ULK4: variants seen among roughly 807,000 people sequenced by gnomAD.
ULK4 encodes inactive serine/threonine-protein kinase ULK4.
Under a neutral mutation model 160.6 loss-of-function variants are expected in ULK4, and 133 were observed. The observed-to-expected ratio is 0.83, with a 90% CI of 0.72 to 0.96. The LOEUF is 0.96. Ranked by LOEUF, ULK4 falls within the 40% of genes least tolerant of loss-of-function variation. ULK4 has a pLI of 0.00. For synonymous variants in ULK4, 534 were observed against 539.8 expected, an observed-to-expected ratio of 0.99 and a Z score of 0.15; for missense variants, 1,580 against 1,499.5, an observed-to-expected ratio of 1.05 and a Z score of -0.89.
chr3:41,590,781 GAA>G (rs553763939), intron 31 of ULK4, among the ~76,000 whole-genome samples: 2 of 121,210 alleles, frequency 1.7e-5, no homozygotes. Context: ...GGTACAGAAA[GAA>G]AAAAAAAAAA....
intron 14 of ULK4, 57 bp from the exon 15 acceptor site, chr3:41,897,060 A>C: frequency 3.4e-6 from 5 of 1,451,628 alleles, no homozygotes; most frequent in Non-Finnish European, 4.7e-6. Flanking sequence ...ACTGCTGGAA[A>C]CATTACATAA....
At chr3:41,497,347 A>AT (rs1286706133) in intron 32 of ULK4, among the ~76,000 whole-genome samples, 1 of 152,080 alleles carries the variant, frequency 6.6e-6, no homozygotes, top group African/African-American at 2.4e-5. Context: ...GAAACATTTG[A>AT]TTTTTTAAAA....
intron 32 of ULK4, among the ~76,000 whole-genome samples, chr3:41,525,119 C>T (rs2086068568): frequency 6.6e-6 from 1 of 152,076 alleles, no homozygotes; most frequent in Non-Finnish European, 1.5e-5. Context: ...TGCTGTGATC[C>T]AGTCCATACG....
At chr3:41,561,613 T>C (rs2087572742) in intron 32 of ULK4, among the ~76,000 whole-genome samples, 1 of 151,460 alleles carries the variant, frequency 6.6e-6, no homozygotes, top group South Asian at 2.1e-4. Flanking sequence ...TCCAGGAATT[T>C]ATCCATTTCT....
At chr3:41,822,269 C>A (rs2125632903) in intron 18 of ULK4, among the ~76,000 whole-genome samples, 1 of 152,186 alleles carries the variant, frequency 6.6e-6, no homozygotes, top group Non-Finnish European at 1.5e-5. Context: ...GCAGTTCATG[C>A]ATGAAAAAAG....
chr3:41,517,587 C>T (rs1289844302), intron 32 of ULK4, among the ~76,000 whole-genome samples: 3 of 152,286 alleles, frequency 2.0e-5, no homozygotes, highest in East Asian at 1.9e-4. Context: ...TACTGTCTTT[C>T]GGCTATTTTG....
At chr3:41,908,739 C>T (rs947076512) in intron 11 of ULK4, among the ~76,000 whole-genome samples, 45 of 152,144 alleles carry the variant, frequency 3.0e-4, no homozygotes, top group African/African-American at 1.0e-3. Context: ...CCACTGTGCC[C>T]GGCCTGAGCT....
intron 31 of ULK4, among the ~76,000 whole-genome samples, chr3:41,611,209 A>C (rs2032658590): frequency 2.0e-5 from 3 of 152,208 alleles, no homozygotes; most frequent in Admixed American, 6.5e-5. Flanking sequence ...AAATGCATTC[A>C]GCTTAATCCA....
chr3:41,839,176 C>T (rs534039788), intron 17 of ULK4, among the ~76,000 whole-genome samples: 57 of 151,888 alleles, frequency 3.8e-4, no homozygotes, highest in African/African-American at 1.4e-3. Context: ...GGTGAAACCC[C>T]GTCTCTACTA....
intron 17 of ULK4, among the ~76,000 whole-genome samples, chr3:41,868,668 T>G (rs929898457): frequency 2.6e-5 from 2 of 76,808 alleles, no homozygotes; most frequent in Non-Finnish European, 2.2e-5. Context: ...TTTTTTTGTA[T>G]TTTTTTTTTA....
chr3:41,433,913 A>G lies in ULK4; in HGVS notation c.3492+21584T>C, dbSNP rs556485840. 3.9e-5 allele frequency among the ~76,000 whole-genome samples: 6 copies of G among 152,246 alleles called. No homozygotes were observed. In the South Asian group the frequency reaches 6.2e-4, roughly 16 times the overall value. On this transcript the variant is annotated intron_variant, in intron 34 of 36. Coordinates refer to ENST00000301831, the MANE Select transcript of ULK4 (RefSeq NM_017886.4). ...TTTTTGTATTTTGTTTAGTAGAGACAGGGTTTCACCATGTTAGTCAGGATG... is the reference window on the plus strand; with the variant it reads ...TTTTTGTATTTTGTTTAGTAGAGACGGGGTTTCACCATGTTAGTCAGGATG...
Position 41,470,044 on chromosome 3 carries a change from A to AAAC in ULK4, c.3227-6794_3227-6792dup, listed in dbSNP as rs1295321942. Among the ~76,000 whole-genome samples, 69 of 116,706 alleles carry AAAC rather than the reference A, an allele frequency of 5.9e-4. 2 individuals are homozygous for AAAC. The highest frequency in any genetic ancestry group is 7.8e-4 in the Non-Finnish European group (44 of 56,536). 76.6% of individuals were successfully genotyped at this position (116,706 alleles called of 152,430 possible). ...AAAAAAAAAAAAAAAAAAAAAAAAA[A>AAAC]AACAAAGTATTTTTAAAGGAACTAA... is the stretch of plus-strand genomic sequence containing the variant. On this transcript the variant is annotated intron_variant, in intron 32 of 36. Coordinates refer to ENST00000301831, the MANE Select transcript of ULK4 (RefSeq NM_017886.4).
intron 31 of ULK4, among the ~76,000 whole-genome samples, chr3:41,584,653 G>C (rs1183787394): frequency 2.0e-5 from 3 of 151,984 alleles, no homozygotes; most frequent in Admixed American, 2.0e-4. Context: ...AAGAGATGTG[G>C]GAAGAAATTT....
intron 35 of ULK4, among the ~76,000 whole-genome samples, chr3:41,278,898 G>T (rs1017413326): frequency 1.8e-4 from 27 of 152,156 alleles, no homozygotes; most frequent in Admixed American, 1.3e-4. Flanking sequence ...CTCCTCCAAA[G>T]GATCGCAGCC....
chr3:41,690,865 T>G (rs1397766379), intron 27 of ULK4, among the ~76,000 whole-genome samples: 1 of 151,762 alleles, frequency 6.6e-6, no homozygotes, highest in Non-Finnish European at 1.5e-5. Flanking sequence ...TCCCTCATAA[T>G]CCAAGCTCAT....
chr3:41,674,111 C>T (rs1468475201), intron 29 of ULK4, among the ~76,000 whole-genome samples: 1 of 152,178 alleles, frequency 6.6e-6, no homozygotes, highest in East Asian at 1.9e-4. Flanking sequence ...AGTACTAATA[C>T]AAATTATATT....
intron 35 of ULK4, among the ~76,000 whole-genome samples, chr3:41,383,171 T>TC (rs1469498855): frequency 2.0e-5 from 3 of 151,740 alleles, no homozygotes; most frequent in Non-Finnish European, 4.4e-5. Flanking sequence ...CAATCTCAGG[T>TC]CACTGCAACC....
chr3:41,572,893 A>G (rs2125615222), intron 31 of ULK4, among the ~76,000 whole-genome samples: 2 of 152,292 alleles, frequency 1.3e-5, no homozygotes, highest in Admixed American at 1.3e-4. Context: ...TAATAGCCAC[A>G]TTATTCAGAC....
intron 35 of ULK4, among the ~76,000 whole-genome samples, chr3:41,367,364 A>C (rs1190504344): frequency 6.6e-6 from 1 of 152,218 alleles, no homozygotes; most frequent in Non-Finnish European, 1.5e-5. Flanking sequence ...TAAAGATATC[A>C]ATTCAGAGGA....
Sources: allele counts gnomAD v4.1 joint callset (sites outside exome capture counted in the v4.1 genomes callset), GRCh38; gene constraint gnomAD v4.1.1; transcripts MANE v1.5; gene names NCBI Gene and HGNC (gene_info 2026-07-23, HGNC 2026-07-21).